MYRIP: variants seen among roughly 807,000 people sequenced by gnomAD.
MYRIP encodes the protein rab effector MyRIP.
A neutral mutation model predicts 98.0 loss-of-function variants in MYRIP; 49 were observed. That is an observed-to-expected ratio of 0.50 (90% confidence interval 0.40 to 0.63). The LOEUF (loss-of-function observed/expected upper bound fraction) is 0.63. MYRIP is among the 30% of genes least tolerant of loss of function. MYRIP has a pLI of 0.00. For synonymous variants in MYRIP, 404 were observed against 409.5 expected (o/e 0.99, Z 0.16); for missense variants, 1,004 against 1,058.2 (o/e 0.95, Z 0.71).
chr3:40,025,945 C>T (rs746075859), intron 2 of MYRIP, among the ~76,000 whole-genome samples: 1 of 152,104 alleles, frequency 6.6e-6, no homozygotes, highest in Non-Finnish European at 1.5e-5. Context: ...CAGCTGTGCA[C>T]GTATTGTCTT....
Position 39,947,705 on chromosome 3 carries a change from C to T in MYRIP, c.110+46779C>T, listed in dbSNP as rs533012738. Among the ~76,000 whole-genome samples, 57 of 152,188 alleles carry T rather than the reference C, an allele frequency of 3.7e-4. 1 individual carries two copies. The highest frequency in any genetic ancestry group is 1.3e-3 in the African/African-American group (55 of 41,552). On this transcript the variant is annotated intron_variant, in intron 2 of 16. Transcript: ENST00000302541. ...ATCACTTGAACCTGGTAATTTGAGG[C>T]TACACTGAGCTATGATTGCACCACT...
chr3:39,991,521 T>A (rs1411661715), intron 2 of MYRIP, among the ~76,000 whole-genome samples: 1 of 152,224 alleles, frequency 6.6e-6, no homozygotes, highest in East Asian at 1.9e-4. Context: ...TCTAATTATT[T>A]TACTACCTTC....
At chr3:39,897,815 C>A (rs1463011407) in intron 1 of MYRIP, among the ~76,000 whole-genome samples, 1 of 141,896 alleles carries the variant, frequency 7.0e-6, no homozygotes, top group Non-Finnish European at 1.5e-5. Context: ...TTTACAAAAA[C>A]AAGTCCTGAT....
chr3:39,887,609 A>C (rs1052653127), intron 1 of MYRIP, among the ~76,000 whole-genome samples: 3 of 152,168 alleles, frequency 2.0e-5, no homozygotes, highest in Non-Finnish European at 4.4e-5. Context: ...TCCCTTTGAA[A>C]ACTGGCACAA....
intron 2 of MYRIP, among the ~76,000 whole-genome samples, chr3:40,018,393 A>C (rs747054327): frequency 6.6e-6 from 1 of 152,196 alleles, no homozygotes; most frequent in Non-Finnish European, 1.5e-5. Context: ...GTCTCCCGCT[A>C]AACATGTTCA....
chr3:39,865,274 A>G (rs1392254610), intron 1 of MYRIP, among the ~76,000 whole-genome samples: 1 of 152,206 alleles, frequency 6.6e-6, no homozygotes, highest in African/African-American at 2.4e-5. Context: ...TACTAAAAGC[A>G]CTTGCAACAG....
intron 8 of MYRIP, among the ~76,000 whole-genome samples, chr3:40,176,698 G>A (rs558816075): frequency 6.6e-6 from 1 of 152,026 alleles, no homozygotes; most frequent in African/African-American, 2.4e-5. Context: ...ACCTGAGATC[G>A]GGAGTTCAAG....
intron 3 of MYRIP, among the ~76,000 whole-genome samples, chr3:40,092,578 G>A (rs1948751869): frequency 6.6e-6 from 1 of 152,186 alleles, no homozygotes; most frequent in Non-Finnish European, 1.5e-5. Flanking sequence ...ACCCTGTGAA[G>A]GGAAGGTGAA....
intron 1 of MYRIP, among the ~76,000 whole-genome samples, chr3:39,897,287 G>A (rs898960580): frequency 5.3e-5 from 8 of 152,206 alleles, no homozygotes; most frequent in African/African-American, 1.9e-4. Context: ...AAGCTAATAT[G>A]TCTTGTGTAA....
At chr3:40,007,714 GATGATTATGAAAACTGGC>G (rs1235734304) in intron 2 of MYRIP, among the ~76,000 whole-genome samples, 1 of 152,234 alleles carries the variant, frequency 6.6e-6, no homozygotes, top group Non-Finnish European at 1.5e-5. Context: ...AGTTGGCTTA[GATGATTATGAAAACTGGC>G]ATATCAAAAT....
At chr3:40,229,908 C>G (rs1264729021) in intron 11 of MYRIP, among the ~76,000 whole-genome samples, 4 of 152,116 alleles carry the variant, frequency 2.6e-5, no homozygotes, top group Admixed American at 6.5e-5. Flanking sequence ...ACACATGCTA[C>G]CTGCACTAAG....
intron 2 of MYRIP, among the ~76,000 whole-genome samples, chr3:39,921,578 A>G (rs1944304888): frequency 1.3e-5 from 2 of 152,156 alleles, no homozygotes; most frequent in Non-Finnish European, 2.9e-5. Flanking sequence ...CTCCAGGTAC[A>G]TTGTAAAGAT....
intron 2 of MYRIP, among the ~76,000 whole-genome samples, chr3:39,928,717 G>T (rs2125697684): frequency 6.6e-6 from 1 of 151,632 alleles, no homozygotes; most frequent in African/African-American, 2.4e-5. Flanking sequence ...AAAACCTACA[G>T]CTACCACTGT....
intron 1 of MYRIP, among the ~76,000 whole-genome samples, chr3:39,826,841 A>G (rs1235890573): frequency 1.3e-5 from 2 of 152,184 alleles, no homozygotes; most frequent in Admixed American, 6.5e-5. Flanking sequence ...ATATATATTT[A>G]CAATTATATT....
At chr3:39,872,710 G>T (rs1006728513) in intron 1 of MYRIP, among the ~76,000 whole-genome samples, 1 of 151,946 alleles carries the variant, frequency 6.6e-6, no homozygotes, top group South Asian at 2.1e-4. Context: ...GTGTATATGT[G>T]CCACATTTTC....
chr3:39,877,214 T>C (rs138275975), intron 1 of MYRIP, among the ~76,000 whole-genome samples: 2,793 of 152,312 alleles, frequency 0.018, 83 homozygotes, highest in African/African-American at 0.063. Context: ...AGCACTTCTC[T>C]GTATTGGTTG....
chr3:39,986,458 C>A (rs1220376905), intron 2 of MYRIP, among the ~76,000 whole-genome samples: 2 of 145,046 alleles, frequency 1.4e-5, no homozygotes, highest in Non-Finnish European at 3.0e-5. Flanking sequence ...CTCTCTCCCT[C>A]TCTCTCTCTC....
intron 2 of MYRIP, among the ~76,000 whole-genome samples, chr3:39,961,221 G>GT (rs1945316718): frequency 6.6e-6 from 1 of 152,006 alleles, no homozygotes; most frequent in South Asian, 2.1e-4. Context: ...TTTTCCTTGA[G>GT]TTTTTTGCAG....
At chr3:39,940,215 A>T (rs746811084) in intron 2 of MYRIP, among the ~76,000 whole-genome samples, 1 of 152,082 alleles carries the variant, frequency 6.6e-6, no homozygotes, top group South Asian at 2.1e-4. Flanking sequence ...ATGCATTTTG[A>T]ATCATTTTCC....
Sources: allele counts gnomAD v4.1 joint callset (sites outside exome capture counted in the v4.1 genomes callset), GRCh38; gene constraint gnomAD v4.1.1; transcripts MANE v1.5; gene names NCBI Gene and HGNC (gene_info 2026-07-23, HGNC 2026-07-21).